The following CD163L1 variants were observed in gnomAD, a reference collection of about 807,000 sequenced individuals.
The protein encoded by CD163L1 is CD163 molecule like 1, also known as scavenger receptor cysteine-rich type 1 protein M160.
CD163L1 carries 124 observed loss-of-function variants against 165.4 expected under a neutral mutation model. The ratio of observed to expected loss-of-function variants is 0.75; its 90% CI spans 0.65 to 0.87. The LOEUF (loss-of-function observed/expected upper bound fraction) is 0.87. CD163L1 is among the 40% of genes least tolerant of loss of function. CD163L1 has a pLI of 0.00. For synonymous variants in CD163L1, 585 were observed against 662.2 expected (o/e 0.88, Z 1.79); for missense variants, 1,525 against 1,799.9 (o/e 0.85, Z 2.76).
At chr12:7,397,787 A>G (rs1947811216) in intron 7 of CD163L1, among the ~76,000 whole-genome samples, 1 of 152,168 alleles carries the variant, frequency 6.6e-6, no homozygotes, top group Non-Finnish European at 1.5e-5. Flanking sequence ...GATTTTTCCA[A>G]TTTACACAGA....
In CD163L1 at chr12:7,409,904, C is replaced by T. The variant is rs577185151; in HGVS notation, c.767-3052G>A. ...AATAAAAAAACTATGGAGAAGATAA[C>T]ATGATTAAAAGCCAAGAGGAAAAAA... On this transcript the variant is annotated intron_variant, in intron 4 of 19. Transcript: ENST00000313599. 1.6e-4 allele frequency among the ~76,000 whole-genome samples: 25 copies of T among 152,060 alleles called. No homozygotes were observed. In the East Asian group the frequency reaches 4.4e-3, roughly 27 times the overall value.
intron 2 of CD163L1, among the ~76,000 whole-genome samples, chr12:7,436,334 T>A (rs1386308401): frequency 6.6e-6 from 1 of 152,170 alleles, no homozygotes; most frequent in Non-Finnish European, 1.5e-5. Flanking sequence ...TATTTGTAAC[T>A]GGACAAGAAC....
chr12:7,374,662 G>T lies in CD163L1; in HGVS notation c.3189C>A (p.Asp1063Glu), dbSNP rs776269185. The T allele has an allele frequency of 6.2e-7, 1 of 1,614,206 alleles. No individual in the cohort carries two copies. ...HDGFWGTICD[D>E]GWDLSDAHVV... ...CGTGGGCATCGCTCAGGTCCCAGCC[G>T]TCATCACAGATGGTGCCCCAGAAGC... Residue 1063 changes from aspartate to glutamate, a missense_variant, in exon 13 of 20, where the codon GAC (aspartate) becomes GAA (glutamate). Physicochemically the swap from Asp to Glu is conservative, Grantham distance 45 (BLOSUM62 2). Transcript: ENST00000313599. The surrounding 1 kb of genome is among the most constrained non-coding windows in gnomAD (Gnocchi z 5.4).
rs1565778934 is a variant in CD163L1 at position 7,373,584 on chromosome 12, A to G, written c.3466T>C (p.Leu1156=). 1 of 1,613,754 alleles carries G rather than the reference A, an allele frequency of 6.2e-7. No individual in the cohort carries two copies. Among genetic ancestry groups the G allele is most frequent in the Non-Finnish European group, 8.5e-7 (1 of 1,179,816 alleles). The part of the protein sequence containing the change: ...ETETESCAGR[L]EVFYNGTWGS... ...CAGGTCCCGTTATAGAAGACTTCCAATCTCCCAGCACAGCTCTCTGTTTCA... is the reference window on the plus strand; with the variant it reads ...CAGGTCCCGTTATAGAAGACTTCCAGTCTCCCAGCACAGCTCTCTGTTTCA... Residue 1156 remains leucine, a synonymous_variant, in exon 14 of 20, where the codon TTG becomes CTG. Transcript: ENST00000313599.
intron 8 of CD163L1, among the ~76,000 whole-genome samples, chr12:7,392,353 A>G (rs945378270): frequency 6.6e-6 from 1 of 152,234 alleles, no homozygotes; most frequent in Non-Finnish European, 1.5e-5. Context: ...GAAGGCAGAA[A>G]TAAAGATGTT....
intron 8 of CD163L1, among the ~76,000 whole-genome samples, chr12:7,392,567 C>T (rs1947680350): frequency 6.6e-6 from 1 of 152,004 alleles, no homozygotes; most frequent in African/African-American, 2.4e-5. Context: ...CAAGAAATAA[C>T]CAAGATCAGA....
At chr12:7,336,481 G>C in the CD163L1 span, among the ~76,000 whole-genome samples, 2 of 152,156 alleles carry the variant, frequency 1.3e-5, no homozygotes, top group Admixed American at 6.5e-5. Flanking sequence ...ACACAGGAAG[G>C]GGAACATCAC....
the CD163L1 span, among the ~76,000 whole-genome samples, chr12:7,328,917 CTGTATATATACACATATGTGTATATA>C: frequency 1.3e-5 from 2 of 149,022 alleles, no homozygotes; most frequent in Non-Finnish European, 3.0e-5. Flanking sequence ...GTATATATAT[CTGTATATATACACATATGTGTATATA>C]TGTATATATA....
intron 4 of CD163L1, among the ~76,000 whole-genome samples, chr12:7,425,147 T>C (rs1441619168): frequency 5.3e-5 from 8 of 151,846 alleles, no homozygotes; most frequent in Non-Finnish European, 1.2e-4. Flanking sequence ...TATAGACCAA[T>C]GGAATAGAAC....
At chr12:7,354,172 TA>T (rs1946732233), downstream of CD163L1, among the ~76,000 whole-genome samples, 2 of 152,112 alleles carry the variant, frequency 1.3e-5, no homozygotes, top group African/African-American at 2.4e-5. Flanking sequence ...CTTAAAGATT[TA>T]AAAATGTCTT....
chr12:7,372,623 A>C lies in CD163L1; in HGVS notation c.3730+697T>G, dbSNP rs1947168227. 6.6e-6 allele frequency among the ~76,000 whole-genome samples: 1 copy of C among 151,814 alleles called. No homozygotes were observed. Among genetic ancestry groups the C allele is most frequent in the Admixed American group, 6.6e-5 (1 of 15,244 alleles). ...TAAATATAGTGTAACACTACATTAC[A>C]TGCATATATATCATACTATATATAC... is the stretch of plus-strand genomic sequence containing the variant. On this transcript the variant is annotated intron_variant, in intron 14 of 19. Transcript: ENST00000313599. This position sits in a 1 kb window ranked among gnomAD's most constrained non-coding sequence, Gnocchi z 4.2.
downstream of CD163L1, among the ~76,000 whole-genome samples, chr12:7,343,024 C>T (rs188942441): frequency 6.6e-6 from 1 of 152,116 alleles, no homozygotes; most frequent in African/African-American, 2.4e-5. Flanking sequence ...TATCTTTTGT[C>T]ATTATGGGTC....
chr12:7,385,557 C>T (rs765278731), intron 8 of CD163L1, among the ~76,000 whole-genome samples: 1 of 152,116 alleles, frequency 6.6e-6, no homozygotes, highest in South Asian at 2.1e-4. Context: ...GTAGAATATA[C>T]ATTCTTTAAA....
chr12:7,425,564 AT>A (rs1948527071), intron 4 of CD163L1, among the ~76,000 whole-genome samples: 1 of 152,132 alleles, frequency 6.6e-6, no homozygotes, highest in Non-Finnish European at 1.5e-5. Flanking sequence ...ATGGGAGAAA[AT>A]TTTTGCAGTC....
intron 6 of CD163L1, among the ~76,000 whole-genome samples, chr12:7,403,319 T>G (rs1947949554): frequency 6.6e-6 from 1 of 152,186 alleles, no homozygotes; most frequent in Non-Finnish European, 1.5e-5. Flanking sequence ...ACTCATGCAG[T>G]GGTAGCAGCT....
the CD163L1 span, among the ~76,000 whole-genome samples, chr12:7,339,880 T>A: frequency 6.6e-6 from 1 of 152,114 alleles, no homozygotes. Flanking sequence ...GGTTATAAAT[T>A]TGCTTTTGTG....
chr12:7,433,868 A>C (rs950226038), intron 2 of CD163L1, among the ~76,000 whole-genome samples, 174 bp from the exon 3 acceptor site: 84 of 152,362 alleles, frequency 5.5e-4, no homozygotes, highest in African/African-American at 2.0e-3. Context: ...TTTTCATGAT[A>C]GGGAACTAGA....
At chr12:7,328,249 G>T in the CD163L1 span, 1 of 1,473,554 alleles carries the variant, frequency 6.8e-7, no homozygotes, top group Non-Finnish European at 9.3e-7. Flanking sequence ...TGGAAGGATG[G>T]AATCAAGTGT....
chr12:7,421,532 CATATACGTACACATATACATATACATAT>C (rs1276760523), intron 4 of CD163L1, among the ~76,000 whole-genome samples: 1 of 125,392 alleles, frequency 8.0e-6, no homozygotes, highest in African/African-American at 3.4e-5. Flanking sequence ...TACATATATA[CATATACGTACACATATACATATACATAT>C]ATGTACATAT....
Sources: allele counts gnomAD v4.1 joint callset (sites outside exome capture counted in the v4.1 genomes callset), GRCh38; gene constraint gnomAD v4.1.1; non-coding constraint Gnocchi (gnomAD v3.1); transcripts MANE v1.5; gene names NCBI Gene and HGNC (gene_info 2026-07-23, HGNC 2026-07-21).